Variants in NAALADL2 observed in about 807,000 individuals in gnomAD.
NAALADL2 encodes the protein N-acetylated alpha-linked acidic dipeptidase like 2, also known as inactive N-acetylated-alpha-linked acidic dipeptidase-like protein 2.
A neutral mutation model predicts 87.2 loss-of-function variants in NAALADL2; 76 were observed. The observed-to-expected ratio is 0.87, with a 90% CI of 0.72 to 1.05. The LOEUF (loss-of-function observed/expected upper bound fraction) is 1.05. Ranked by LOEUF, NAALADL2 falls within the 50% of genes least tolerant of loss-of-function variation. NAALADL2 has a pLI of 0.00. For synonymous variants in NAALADL2, 354 were observed against 331.0 expected (o/e 1.07, Z -0.75); for missense variants, 1,089 against 945.8 (o/e 1.15, Z -1.99).
At chr3:174,830,957 T>C (rs1722607723) in intron 3 of NAALADL2, among the ~76,000 whole-genome samples, 1 of 151,096 alleles carries the variant, frequency 6.6e-6, no homozygotes, top group African/African-American at 2.5e-5. Context: ...ACATTGATTT[T>C]GTATCCTGAG....
At chr3:174,910,302 TTGTG>T (rs911724252) in intron 1 of NAALADL2, among the ~76,000 whole-genome samples, 1 of 152,026 alleles carries the variant, frequency 6.6e-6, no homozygotes, top group South Asian at 2.1e-4. Context: ...CTTAAAGTCT[TTGTG>T]TGTGTGTATA....
At chr3:175,629,867 T>A (rs1004234378) in intron 11 of NAALADL2, among the ~76,000 whole-genome samples, 4 of 151,750 alleles carry the variant, frequency 2.6e-5, no homozygotes, top group Non-Finnish European at 5.9e-5. Flanking sequence ...AGAGAGAAGA[T>A]AACAAATTTG....
intron 2 of NAALADL2, among the ~76,000 whole-genome samples, chr3:174,622,044 A>G (rs1721061216): frequency 6.6e-6 from 1 of 152,168 alleles, no homozygotes; most frequent in Admixed American, 6.6e-5. Flanking sequence ...GGGAGAAAGA[A>G]AAGGAGAGCA....
chr3:175,600,351 G>A (rs1403549145), intron 10 of NAALADL2, among the ~76,000 whole-genome samples: 1 of 151,634 alleles, frequency 6.6e-6, no homozygotes, highest in African/African-American at 2.4e-5. Flanking sequence ...CAGATGTTTT[G>A]TCTTTTAAGG....
At chr3:174,688,710 G>A (rs1418216789) in intron 2 of NAALADL2, among the ~76,000 whole-genome samples, 1 of 64,838 alleles carries the variant, frequency 1.5e-5, no homozygotes, top group Admixed American at 2.1e-4. Context: ...AAATGTAATG[G>A]AGTTAAATAA....
At position 174,660,545 on chromosome 3, in the gene NAALADL2, G is replaced by A. The variant is rs1004823404; in HGVS notation, c.-114-77096G>A. Reference sequence around the variant, plus strand: ...TCACTTTTGAAAGATCTCGCGTCCCGTTTTCATATAATAACAATATGCTGC... The same window carrying A: ...TCACTTTTGAAAGATCTCGCGTCCCATTTTCATATAATAACAATATGCTGC... On this transcript the variant is annotated intron_variant, in intron 2 of 3. Coordinates refer to the NAALADL2 transcript ENST00000434257. Among the ~76,000 whole-genome samples the A allele has an allele frequency of 8.6e-5, 13 of 152,018 alleles. No homozygotes were observed. The East Asian group carries it at 9.6e-4, about 11-fold the overall frequency.
At chr3:175,219,792 C>T (rs1743066506) in intron 2 of NAALADL2, among the ~76,000 whole-genome samples, 1 of 151,332 alleles carries the variant, frequency 6.6e-6, no homozygotes, top group South Asian at 2.1e-4. Context: ...AGTTTTCCAG[C>T]TCATGAACAT....
chr3:174,850,239 G>A (rs1173668219), intron 3 of NAALADL2, among the ~76,000 whole-genome samples: 1 of 151,850 alleles, frequency 6.6e-6, no homozygotes, highest in Admixed American at 6.6e-5. Context: ...AGCCTATCCT[G>A]TAAGATTTCC....
intron 2 of NAALADL2, among the ~76,000 whole-genome samples, chr3:175,174,119 A>T (rs1356312308): frequency 6.6e-6 from 1 of 152,220 alleles, no homozygotes; most frequent in Non-Finnish European, 1.5e-5. Flanking sequence ...AAATCTCACA[A>T]ACATATATAA....
chr3:174,631,243 A>T (rs1272648455), intron 2 of NAALADL2, among the ~76,000 whole-genome samples: 3 of 152,206 alleles, frequency 2.0e-5, no homozygotes, highest in Non-Finnish European at 1.5e-5. Flanking sequence ...AAGTTGCTTA[A>T]GTATATTGAC....
intron 2 of NAALADL2, among the ~76,000 whole-genome samples, chr3:174,702,845 T>C (rs1729686810): frequency 6.6e-6 from 1 of 152,210 alleles, no homozygotes; most frequent in Non-Finnish European, 1.5e-5. Context: ...TATAATGTAT[T>C]CCTTTGACCT....
chr3:174,947,602 T>C (rs1739637269), intron 1 of NAALADL2, among the ~76,000 whole-genome samples: 2 of 152,158 alleles, frequency 1.3e-5, no homozygotes, highest in Non-Finnish European at 2.9e-5. Flanking sequence ...ATAGTTCTTC[T>C]TTATAAATTT....
intron 3 of NAALADL2, among the ~76,000 whole-genome samples, chr3:174,812,422 A>G (rs1720317671): frequency 6.6e-6 from 1 of 152,216 alleles, no homozygotes; most frequent in Non-Finnish European, 1.5e-5. Flanking sequence ...TAGTCATACC[A>G]AAGTATATTA....
intron 2 of NAALADL2, among the ~76,000 whole-genome samples, chr3:175,198,592 C>T (rs1350819): frequency 6.6e-6 from 1 of 152,044 alleles, no homozygotes; most frequent in African/African-American, 2.4e-5. Context: ...GAGCTTCTTA[C>T]TTACCTTGCC....
intron 1 of NAALADL2, among the ~76,000 whole-genome samples, chr3:174,928,335 GTTCAAGCGATTC>G (rs1736385084): frequency 1.3e-5 from 2 of 152,156 alleles, no homozygotes; most frequent in South Asian, 4.1e-4. Flanking sequence ...TGCCTCCAGA[GTTCAAGCGATTC>G]TTCTGCCTCA....
At chr3:174,803,739 T>C (rs1008385053) in intron 3 of NAALADL2, among the ~76,000 whole-genome samples, 1 of 152,196 alleles carries the variant, frequency 6.6e-6, no homozygotes, top group African/African-American at 2.4e-5. Context: ...CCTTTTCCCA[T>C]TGCTTGTTTT....
chr3:174,759,048 C>G (rs1393596488), intron 3 of NAALADL2, among the ~76,000 whole-genome samples: 10 of 151,948 alleles, frequency 6.6e-5, no homozygotes, highest in African/African-American at 2.2e-4. Context: ...CATCTACATA[C>G]TTTTTTTTCT....
At chr3:175,513,524 A>G (rs1731443872) in intron 9 of NAALADL2, among the ~76,000 whole-genome samples, 1 of 152,232 alleles carries the variant, frequency 6.6e-6, no homozygotes, top group Non-Finnish European at 1.5e-5. Context: ...TGTTCATGAT[A>G]GGCAATACTA....
rs372379747 is a variant in NAALADL2, at chr3:175,595,760, A to G, written c.1800+19573A>G. 1.9e-3 allele frequency among the ~76,000 whole-genome samples: 285 copies of G among 152,088 alleles called. 1 individual carries two copies. Among genetic ancestry groups the G allele is most frequent in the African/African-American group, 5.1e-3 (212 of 41,538 alleles). On this transcript the variant is annotated intron_variant, in intron 10 of 13. Transcript: ENST00000454872. ...AGAGACTACAGAAATGAATGGAAAA[A>G]CATTCCATGCTCATGATTTGGAAGA...
Sources: gnomAD v4.1 joint callset for allele counts (sites outside exome capture counted in the v4.1 genomes callset) on GRCh38, gnomAD v4.1.1 for gene constraint, MANE v1.5 for transcripts, NCBI Gene and HGNC (gene_info 2026-07-23, HGNC 2026-07-21) for gene names.